Variants in ADH1B observed in about 807,000 individuals in gnomAD.
ADH1B encodes alcohol dehydrogenase 1B (class I), beta polypeptide, also known as all-trans-retinol dehydrogenase [NAD(+)] ADH1B.
A neutral mutation model predicts 34.6 loss-of-function variants in ADH1B; 29 were observed. That is an observed-to-expected ratio of 0.84 (90% CI 0.62 to 1.14). The LOEUF (loss-of-function observed/expected upper bound fraction) is 1.14. Among genes scored for constraint, ADH1B ranks in the 50% most tolerant of loss-of-function variants. The pLI is 0.00. For missense variants in ADH1B, 424 were observed against 468.4 expected (o/e 0.91, Z 0.87); for synonymous variants, 170 against 175.5 (o/e 0.97, Z 0.25).
chr4:99,320,890 A>T, intron 1 of ADH1B: 6 of 1,272,042 alleles, frequency 4.7e-6, no homozygotes, highest in Non-Finnish European at 6.1e-6. Context: ...AATTCCTCTC[A>T]TCAAACTTCT....
rs74990410 is a variant in ADH1B, at chr4:99,307,864, A to C, written c.1104T>G (p.Ser368Arg). Residue 368 changes from serine (S) to arginine (R), a missense_variant and splice_region_variant, in exon 9 of 9, where the codon AGT (serine) becomes AGG (arginine). Transcript: ENST00000305046. ...CTCAAAACGTCAGGACGGTACGGAT[A>C]CTGCAATAGGAAAGAAGAGACATTG... ...EGFDLLHSGK[S>R]IRTVLTF The C allele has an allele frequency of 4.9e-4, 791 of 1,613,994 alleles. No homozygotes were observed. Among genetic ancestry groups the C allele is most frequent in the Admixed American group, 1.1e-3 (65 of 60,016 alleles).
At position 99,305,559 on chromosome 4, in the gene ADH1B, G is replaced by GTATATATATA. The variant is rs1491392964; in HGVS notation, c.*2280_*2281insTATATATATA. The GTATATATATA allele has an allele frequency of 7.0e-5, 3 of 43,080 alleles. 1 individual carries two copies. Among genetic ancestry groups the GTATATATATA allele is most frequent in the Non-Finnish European group, 1.2e-4 (3 of 25,022 alleles). The allele number at this position is 43,080 out of a possible 1,614,324, so 2.7% of individuals were successfully genotyped here. On this transcript the variant is annotated 3_prime_UTR_variant, in exon 9 of 9. Transcript: ENST00000305046. ...AACTATATGAACCACTTGCCCCATA[G>GTATATATATA]TGTATATATATATATATATATATAT...
chr4:99,318,634 T>A, intron 2 of ADH1B, 151 bp downstream of exon 2: 1 of 760,504 alleles, frequency 1.3e-6, no homozygotes, highest in Non-Finnish European at 2.0e-6. Context: ...TTAAAATTTA[T>A]ATTTATACCT....
intron 5 of ADH1B, chr4:99,314,614 T>C (rs1046090086): frequency 6.4e-6 from 1 of 157,190 alleles, no homozygotes; most frequent in South Asian, 1.9e-4. Context: ...AATTAACTCA[T>C]TGGTTCATTT....
chr4:99,318,193 T>TG lies in ADH1B; in HGVS notation c.121-10_121-9insC. ...ATTCCTACAGCCACCATCTACAGAA[T>TG]AAAGAGAAGCTGTTCAGATTCAGAA... On this transcript the variant is annotated splice_polypyrimidine_tract_variant and intron_variant, in intron 2 of 8. Transcript: ENST00000305046. 1 of 1,613,910 alleles carries TG rather than the reference T, an allele frequency of 6.2e-7. No homozygotes were observed. The highest frequency in any genetic ancestry group is 1.1e-5 in the South Asian group (1 of 91,020).
At chr4:99,319,126 G>C (rs747289055) in intron 1 of ADH1B, 3 of 576,610 alleles carry the variant, frequency 5.2e-6, no homozygotes, top group Non-Finnish European at 9.3e-6. Context: ...TATTTATTTA[G>C]GCCATTCTTA....
intron 1 of ADH1B, chr4:99,320,451 G>A (rs1356204027): frequency 1.3e-5 from 2 of 156,240 alleles, no homozygotes; most frequent in African/African-American, 4.8e-5. Context: ...TTACAGTGTG[G>A]TACACTCCTA....
rs776663843 is a variant in ADH1B, at chr4:99,315,934, G to A, written c.531C>T (p.Phe177=). Residue 177 remains phenylalanine (F), a synonymous_variant, in exon 5 of 9, where the codon TTC becomes TTT. Coordinates refer to ENST00000305046, the MANE Select transcript of ADH1B (RefSeq NM_000668.6). ...TAACTGCAGACCCATAACCAGTCGA[G>A]AATCCACAGCCAATGAGGCAGACTT... ...LEKVCLIGCG[F]STGYGSAVNV... is the part of the protein sequence containing the mutation. The A allele has an allele frequency of 4.1e-5, 66 of 1,614,074 alleles. No individual in the cohort carries two copies. Among genetic ancestry groups the A allele is most frequent in the African/African-American group, 5.3e-5 (4 of 74,922 alleles).
chr4:99,318,702 A>T (rs1733948328), intron 2 of ADH1B, 83 bp downstream of exon 2: 2 of 1,291,452 alleles, frequency 1.5e-6, no homozygotes, highest in Non-Finnish European at 1.1e-6. Flanking sequence ...TATGCCTCTT[A>T]GTGGATTTTT....
rs777100313 is a variant in ADH1B at position 99,318,792 on chromosome 4, C to T, written c.113G>A (p.Arg38His). 1.9e-5 allele frequency: 31 copies of T among 1,609,882 alleles called. No individual in the cohort carries two copies. The highest frequency in any genetic ancestry group is 5.0e-5 in the Admixed American group (3 of 59,526). ...AATGGAAAAATATTTCACCTTAATG[C>T]GAACTTCATAAGCCTTAGGAGGTGC... ...EVAPPKAYEV[R>H]IKMVAVGICH... The change falls in exon 2 of 9, where the codon CGC becomes CAC. Residue 38 changes from arginine to histidine, a missense_variant. By Grantham distance (29) the Arg-to-His change is conservative. Coordinates refer to ENST00000305046, the MANE Select transcript of ADH1B (RefSeq NM_000668.6).
In ADH1B at chr4:99,307,690, T is replaced by C; in HGVS notation, c.*150A>G. On this transcript the variant is annotated 3_prime_UTR_variant, in exon 9 of 9. Transcript: ENST00000305046. Reference sequence around the variant, plus strand: ...AATTTTCCTGAAAAATAATTTCCCATCAATTTCCATTTCTTTGGAAAGCCC... The same window carrying C: ...AATTTTCCTGAAAAATAATTTCCCACCAATTTCCATTTCTTTGGAAAGCCC... 1 of 939,896 alleles carries C rather than the reference T, an allele frequency of 1.1e-6. No homozygotes were observed. The highest frequency in any genetic ancestry group is 2.6e-5 in the East Asian group (1 of 37,790). The allele number at this position is 939,896 out of a possible 1,614,324, so 58.2% of individuals were successfully genotyped here.
At chr4:99,317,999 A>G (rs1421854044) in intron 3 of ADH1B, 47 bp downstream of exon 3, 1 of 1,606,290 alleles carries the variant, frequency 6.2e-7, no homozygotes, top group Admixed American at 1.7e-5. Context: ...AGGCTGGGAA[A>G]TCCTGGATGG....
Position 99,307,768 on chromosome 4 carries a change from C to T in ADH1B, c.*72G>A. 6.5e-7 allele frequency: 1 copy of T among 1,539,376 alleles called. No individual in the cohort carries two copies. Among genetic ancestry groups the T allele is most frequent in the South Asian group, 1.1e-5 (1 of 89,286 alleles). On this transcript the variant is annotated 3_prime_UTR_variant, in exon 9 of 9. Transcript: ENST00000305046. ...TGAAGAGCTGAATTAATGATATTTC[C>T]TAGCTGTTGCTCCAGATCTTGTAGG... is the stretch of plus-strand genomic sequence containing the variant.
In ADH1B at chr4:99,314,199, C is replaced by T. The variant is rs777640774; in HGVS notation, c.568-118G>A. The T allele has an allele frequency of 5.5e-5, 82 of 1,483,016 alleles. No individual in the cohort carries two copies. In the African/African-American group the frequency reaches 1.0e-3, roughly 18 times the overall value. 91.9% of individuals were successfully genotyped at this position (1,483,016 alleles called of 1,614,324 possible). A position where few individuals can be genotyped will look rare whatever the true frequency, so the allele number is the denominator to read the frequency against. ...AACTACTCAGACTCTTTTGTCCAAC[C>T]GTTTATCAAAACCTCTTTTGGCTTC... On this transcript the variant is annotated intron_variant, in intron 5 of 8. Coordinates refer to ENST00000305046, the MANE Select transcript of ADH1B (RefSeq NM_000668.6).
chr4:99,315,683 T>C lies in ADH1B; in HGVS notation c.567+215A>G, dbSNP rs2110635568. 4 of 626,542 alleles carry C rather than the reference T, an allele frequency of 6.4e-6. No individual in the cohort carries two copies. The East Asian group carries it at 1.1e-4, about 18-fold the overall frequency. The allele number at this position is 626,542 out of a possible 1,614,324, so 38.8% of individuals were successfully genotyped here. On this transcript the variant is annotated intron_variant, in intron 5 of 8. Coordinates refer to ENST00000305046, the MANE Select transcript of ADH1B (RefSeq NM_000668.6). The stretch of plus-strand genomic sequence containing the variant: ...AACAGCAAATTCAGAAGAAAAATTA[T>C]TGTAAATGACATCTTTATTCGTAAC...
rs564372124 is a variant in ADH1B, at chr4:99,318,963, A to G, written c.19-77T>C. On this transcript the variant is annotated intron_variant, in intron 1 of 8. Transcript: ENST00000305046. Reference sequence around the variant, plus strand: ...ATAAGTTGTGTCTTTTCATCTTTGTACATGTAATATTGCGTCCCATGTCTG... The same window carrying G: ...ATAAGTTGTGTCTTTTCATCTTTGTGCATGTAATATTGCGTCCCATGTCTG... 1.4e-5 allele frequency: 21 copies of G among 1,474,180 alleles called. No individual in the cohort carries two copies. The South Asian group carries it at 1.8e-4, about 13-fold the overall frequency. The allele number at this position is 1,474,180 out of a possible 1,614,324, so 91.3% of individuals were successfully genotyped here.
intron 8 of ADH1B, 57 bp from the exon 9 acceptor site, chr4:99,307,921 G>A (rs1397447814): frequency 1.1e-5 from 17 of 1,609,840 alleles, no homozygotes; most frequent in Middle Eastern, 3.3e-4. Context: ...CATGCTTGTT[G>A]TGAGAGTCCA....
At position 99,318,895 on chromosome 4, in the gene ADH1B, T is replaced by A. The variant is rs1733953184; in HGVS notation, c.19-9A>T. On this transcript the variant is annotated splice_polypyrimidine_tract_variant and intron_variant, in intron 1 of 8. Transcript: ENST00000305046. ...GCTTTGCATTTGATTACCTAGAAAA[T>A]CAAACAGAGAGATGGTGACAGTGTT... 6.2e-7 allele frequency: 1 copy of A among 1,610,884 alleles called. No individual in the cohort carries two copies. The highest frequency in any genetic ancestry group is 1.1e-5 in the South Asian group (1 of 91,030).
At chr4:99,311,411 C>T (rs1170340377) in intron 7 of ADH1B, 110 bp downstream of exon 7, 2 of 1,319,850 alleles carry the variant, frequency 1.5e-6, no homozygotes, top group African/African-American at 3.0e-5. Flanking sequence ...GATTTGTTTT[C>T]AAAATCTTGC....
Sources: gnomAD v4.1 joint callset for allele counts on GRCh38, gnomAD v4.1.1 for gene constraint, MANE v1.5 for transcripts, NCBI Gene and HGNC (gene_info 2026-07-23, HGNC 2026-07-21) for gene names.